The following ARHGAP39 variants were observed in gnomAD, a reference collection of about 807,000 sequenced individuals.
The protein encoded by ARHGAP39 is Rho GTPase activating protein 39, also known as rho GTPase-activating protein 39.
A neutral mutation model predicts 106.9 loss-of-function variants in ARHGAP39; 44 were observed. The observed-to-expected ratio is 0.41, with a 90% CI of 0.32 to 0.53. The LOEUF (loss-of-function observed/expected upper bound fraction) is 0.53, where lower values mean the gene tolerates loss of function less well. Among genes scored for constraint, ARHGAP39 ranks in the 20% least tolerant of loss-of-function variants. The probability of loss-of-function intolerance (pLI) is 0.21; values close to 1 mark genes in which losing one functional copy is unlikely to be tolerated. For missense variants in ARHGAP39, 1,496 were observed against 1,577.3 expected (o/e 0.95, Z 0.87); for synonymous variants, 768 against 693.2 (o/e 1.11, Z -1.69).
intron 1 of ARHGAP39, among the ~76,000 whole-genome samples, chr8:144,607,147 G>A (rs1344450042): frequency 7.3e-5 from 11 of 151,120 alleles, no homozygotes; most frequent in African/African-American, 2.7e-4. Flanking sequence ...GTGGTGGAGC[G>A]TGGCTATGGT....
intron 1 of ARHGAP39, among the ~76,000 whole-genome samples, chr8:144,636,923 A>G (rs1269641612): frequency 7.9e-5 from 12 of 152,194 alleles, no homozygotes; most frequent in Admixed American, 4.6e-4. Context: ...AAACTCCAGA[A>G]CTGCTATTAA....
At chr8:144,561,145 C>CGGTTTCCATCACACCCCAGT (rs1564848136) in intron 3 of ARHGAP39, among the ~76,000 whole-genome samples, 3 of 151,976 alleles carry the variant, frequency 2.0e-5, no homozygotes, top group African/African-American at 7.2e-5. Context: ...TGCACCCCAG[C>CGGTTTCCATCACACCCCAGT]GGTTTCCATC....
chr8:144,583,743 A>G (rs192054289), intron 2 of ARHGAP39, among the ~76,000 whole-genome samples: 2 of 152,042 alleles, frequency 1.3e-5, no homozygotes, highest in Admixed American at 1.3e-4. Flanking sequence ...AGAGGTTTCT[A>G]TTTTTCTGTA....
At chr8:144,693,660 A>G in the ARHGAP39 span, among the ~76,000 whole-genome samples, 1 of 152,352 alleles carries the variant, frequency 6.6e-6, no homozygotes, top group South Asian at 2.1e-4. Context: ...GGCGTGAGCC[A>G]CCGCGCCCAG....
intron 3 of ARHGAP39, among the ~76,000 whole-genome samples, chr8:144,567,246 CT>C (rs1345333892): frequency 1.3e-5 from 2 of 152,204 alleles, no homozygotes; most frequent in Non-Finnish European, 2.9e-5. Flanking sequence ...AATCCTTGCT[CT>C]ACAATCATAA....
chr8:144,532,240 A>G (rs1215598210), intron 10 of ARHGAP39, 65 bp downstream of exon 10: 8 of 1,450,616 alleles, frequency 5.5e-6, no homozygotes, highest in Non-Finnish European at 7.7e-6. Context: ...AGGCGGAGAC[A>G]GGGGCCCCTG....
chr8:144,609,019 C>G (rs2130951790), intron 1 of ARHGAP39, among the ~76,000 whole-genome samples: 1 of 152,288 alleles, frequency 6.6e-6, no homozygotes, highest in South Asian at 2.1e-4. Context: ...TTTACTTCTT[C>G]CTTTCCAAAC....
intron 6 of ARHGAP39, among the ~76,000 whole-genome samples, chr8:144,538,812 C>A (rs1227143232): frequency 6.6e-6 from 1 of 152,062 alleles, no homozygotes; most frequent in Non-Finnish European, 1.5e-5. Context: ...CTCAAATGAT[C>A]CACCCACCTC....
chr8:144,623,829 G>T (rs115610829), intron 1 of ARHGAP39, among the ~76,000 whole-genome samples: 1 of 152,220 alleles, frequency 6.6e-6, no homozygotes, highest in African/African-American at 2.4e-5. Context: ...TCAGGAATGA[G>T]AGAGGCCACT....
At chr8:144,545,118 G>C (rs1817353905) in intron 6 of ARHGAP39, 131 bp downstream of exon 6, 1 of 825,578 alleles carries the variant, frequency 1.2e-6, no homozygotes, top group African/African-American at 1.7e-5. Context: ...GGGGCGTTTT[G>C]GGAGGTGTGT....
chr8:144,674,352 C>G (rs143339080), intron 1 of ARHGAP39, among the ~76,000 whole-genome samples: 1 of 152,166 alleles, frequency 6.6e-6, no homozygotes, highest in Admixed American at 6.5e-5. Flanking sequence ...GTTGTCTTGA[C>G]GACTGTTCAG....
intron 2 of ARHGAP39, among the ~76,000 whole-genome samples, chr8:144,588,742 A>AAGCCTCAGC (rs748654129): frequency 1.3e-5 from 2 of 152,358 alleles, no homozygotes; most frequent in Middle Eastern, 3.4e-3. Context: ...GAACACAGCA[A>AAGCCTCAGC]AGCCTCAGCA....
chr8:144,689,938 C>T (rs1360684281), upstream of ARHGAP39, among the ~76,000 whole-genome samples: 1 of 148,728 alleles, frequency 6.7e-6, no homozygotes, highest in African/African-American at 2.5e-5. Context: ...GTAGGGATGG[C>T]GTGTCACCAC....
At chr8:144,631,873 A>G (rs1177152022) in intron 1 of ARHGAP39, among the ~76,000 whole-genome samples, 1 of 152,246 alleles carries the variant, frequency 6.6e-6, no homozygotes, top group Non-Finnish European at 1.5e-5. Context: ...TGTCAGTGTC[A>G]AGAACTGAGA....
chr8:144,670,094 C>T lies in ARHGAP39; in HGVS notation c.-82+15592G>A, dbSNP rs981311408. Among the ~76,000 whole-genome samples the T allele has an allele frequency of 8.5e-5, 13 of 152,322 alleles. No individual in the cohort carries two copies. The highest frequency in any genetic ancestry group is 2.1e-4 in the South Asian group (1 of 4,830). On this transcript the variant is annotated intron_variant, in intron 1 of 11. Coordinates refer to ENST00000377307, the MANE Select transcript of ARHGAP39 (RefSeq NM_025251.3). The surrounding 1 kb of genome is among the most constrained non-coding windows in gnomAD (Gnocchi z 4.4). ...AAGGAAACGGGGTTGACCTGTACAA[C>T]GGAACGTCCCTCAGCAATAAAAAGC...
intron 1 of ARHGAP39, among the ~76,000 whole-genome samples, chr8:144,619,880 G>T (rs1820747013): frequency 6.8e-6 from 1 of 147,554 alleles, no homozygotes; most frequent in African/African-American, 2.5e-5. Flanking sequence ...GAGCCCGTGT[G>T]AGTGAGCCTG....
At chr8:144,589,626 G>A (rs1298710462) in intron 2 of ARHGAP39, among the ~76,000 whole-genome samples, 1 of 152,240 alleles carries the variant, frequency 6.6e-6, no homozygotes, top group Non-Finnish European at 1.5e-5. Context: ...ACCAGGTTCC[G>A]GGAGGGGCTA....
chr8:144,613,379 C>T (rs1173631396), intron 1 of ARHGAP39, among the ~76,000 whole-genome samples: 1 of 152,142 alleles, frequency 6.6e-6, no homozygotes, highest in African/African-American at 2.4e-5. Context: ...TGTAACATTT[C>T]TTTCAGTGAA....
chr8:144,552,387 C>A (rs558233481), intron 4 of ARHGAP39, among the ~76,000 whole-genome samples: 1 of 152,250 alleles, frequency 6.6e-6, no homozygotes. Flanking sequence ...AAGCGCGCGG[C>A]GGCAGCAGCC....
Sources: gnomAD v4.1 joint callset for allele counts (sites outside exome capture counted in the v4.1 genomes callset) on GRCh38, gnomAD v4.1.1 for gene constraint, Gnocchi (gnomAD v3.1) non-coding constraint, MANE v1.5 for transcripts, NCBI Gene and HGNC (gene_info 2026-07-23, HGNC 2026-07-21) for gene names.